The following SPNS2 variants were observed in gnomAD, a reference collection of about 807,000 sequenced individuals.
SPNS2 encodes sphingosine-1-phosphate transporter SPNS2.
SPNS2 carries 37 observed loss-of-function variants against 57.6 expected under a neutral mutation model. The ratio of observed to expected loss-of-function variants is 0.64; its 90% CI spans 0.49 to 0.85. The LOEUF (loss-of-function observed/expected upper bound fraction) is 0.85. Ranked by LOEUF, SPNS2 falls within the 40% of genes least tolerant of loss-of-function variation. SPNS2 has a pLI of 0.00. For synonymous variants in SPNS2, 440 were observed against 346.9 expected, an observed-to-expected ratio of 1.27 and a Z score of -2.98; for missense variants, 831 against 779.1, an observed-to-expected ratio of 1.07 and a Z score of -0.79.
chr17:4,525,178 C>T lies in SPNS2; in HGVS notation c.558C>T (p.Ser186=). Residue 186 remains serine, a synonymous_variant, in exon 3 of 13, where the codon TCC becomes TCT. Coordinates refer to ENST00000329078, the MANE Select transcript of SPNS2 (RefSeq NM_001124758.3). ...GGTCGGCCGTCACCTTCTCCAGCTC[C>T]TTCATTCCCCAGCAGGTGAGGCCCG... is the stretch of plus-strand genomic sequence containing the variant. ...FFWSAVTFSS[S]FIPQQYFWLL... The T allele has an allele frequency of 6.2e-7, 1 of 1,614,138 alleles. No homozygotes were observed. Among genetic ancestry groups the T allele is most frequent in the Non-Finnish European group, 8.5e-7 (1 of 1,180,024 alleles).
chr17:4,513,340 C>CA (rs767328640), intron 2 of SPNS2, 28 bp downstream of exon 2: 6 of 1,611,948 alleles, frequency 3.7e-6, no homozygotes, highest in African/African-American at 2.7e-5. Context: ...CCTTCCCCCC[C>CA]ACGCCCAGGC....
rs746923812 is a variant in SPNS2, at chr17:4,530,730, G to C, written c.672G>C (p.Lys224Asn). Residue 224 changes from lysine to asparagine, a missense_variant, in exon 4 of 13, where the codon AAG becomes AAC. Transcript: ENST00000329078. ...APTIIGDLFT[K>N]NTRTLMLSVF... Reference sequence around the variant, plus strand: ...CTATCATTGGCGACCTCTTCACCAAGAACACGCGTACGCTCATGCTGTCCG... The same window carrying C: ...CTATCATTGGCGACCTCTTCACCAACAACACGCGTACGCTCATGCTGTCCG... 2 of 1,614,046 alleles carry C rather than the reference G, an allele frequency of 1.2e-6. No individual in the cohort carries two copies. Among genetic ancestry groups the C allele is most frequent in the South Asian group, 2.2e-5 (2 of 91,074 alleles).
Position 4,533,216 on chromosome 17 carries a change from G to A in SPNS2, c.1089-27G>A, listed in dbSNP as rs187158003. 81 of 1,582,922 alleles carry A rather than the reference G, an allele frequency of 5.1e-5. No individual in the cohort carries two copies. In the East Asian group the frequency reaches 7.9e-4, roughly 15 times the overall value. ...CCTTAGCCCTGAGCCGCCTCAACTCGTGCGCCACCATCCTCTGTCCCCACA... is the reference window on the plus strand; with the variant it reads ...CCTTAGCCCTGAGCCGCCTCAACTCATGCGCCACCATCCTCTGTCCCCACA... On this transcript the variant is annotated intron_variant, in intron 7 of 12. Transcript: ENST00000329078.
chr17:4,532,191 CAT>C (rs1297165664), intron 5 of SPNS2, among the ~76,000 whole-genome samples: 2 of 152,044 alleles, frequency 1.3e-5, no homozygotes, highest in Non-Finnish European at 2.9e-5. Context: ...TCCATCCCTC[CAT>C]CTATCTCTGT....
rs1342443048 is a variant in SPNS2 at position 4,512,167 on chromosome 17, G to A, written c.371-1080G>A. Among the ~76,000 whole-genome samples, 2 of 152,198 alleles carry A rather than the reference G, an allele frequency of 1.3e-5. No individual in the cohort carries two copies. Among genetic ancestry groups the A allele is most frequent in the African/African-American group, 4.8e-5 (2 of 41,434 alleles). Reference sequence around the variant, plus strand: ...CAAAGGCTTCTGTCCCTGCCTGTAAGGCCCCCAAAGGCAGGGCCATCTCCT... The same window carrying A: ...CAAAGGCTTCTGTCCCTGCCTGTAAAGCCCCCAAAGGCAGGGCCATCTCCT... On this transcript the variant is annotated intron_variant, in intron 1 of 12. Coordinates refer to ENST00000329078, the MANE Select transcript of SPNS2 (RefSeq NM_001124758.3). The surrounding 1 kb of genome is among the most constrained non-coding windows in gnomAD (Gnocchi z 5.2).
At chr17:4,525,924 G>C (rs1905253591) in intron 3 of SPNS2, among the ~76,000 whole-genome samples, 2 of 152,232 alleles carry the variant, frequency 1.3e-5, no homozygotes, top group African/African-American at 4.8e-5. Context: ...GAGGTAGTGA[G>C]TTCCCCATCT....
At chr17:4,520,971 A>G (rs1467670748) in intron 2 of SPNS2, among the ~76,000 whole-genome samples, 17 of 152,168 alleles carry the variant, frequency 1.1e-4, no homozygotes, top group Admixed American at 1.0e-3. Flanking sequence ...CCATTATACA[A>G]TATTGCTGAT....
In SPNS2 at chr17:4,538,199, C is replaced by T; in HGVS notation, c.*751C>T. The T allele has an allele frequency of 4.1e-6, 1 of 241,114 alleles. No homozygotes were observed. The highest frequency in any genetic ancestry group is 5.6e-5 in the South Asian group (1 of 17,794). 14.9% of individuals were successfully genotyped at this position (241,114 alleles called of 1,614,324 possible). On this transcript the variant is annotated 3_prime_UTR_variant, in exon 13 of 13. Coordinates refer to ENST00000329078, the MANE Select transcript of SPNS2 (RefSeq NM_001124758.3). Reference sequence around the variant, plus strand: ...GTGCCCCCAGGCTCAAGGTCTCTGGCAGGTGCACACCAGCCCAACTCTGCA... The same window carrying T: ...GTGCCCCCAGGCTCAAGGTCTCTGGTAGGTGCACACCAGCCCAACTCTGCA...
At chr17:4,536,503 G>A (rs1412638782) in intron 11 of SPNS2, 77 bp downstream of exon 11, 34 of 1,487,772 alleles carry the variant, frequency 2.3e-5, no homozygotes, top group Non-Finnish European at 2.9e-5. Context: ...GCCCTGCCCT[G>A]GGGTGGGGCG....
chr17:4,530,323 C>T (rs1905407788), intron 3 of SPNS2, among the ~76,000 whole-genome samples: 1 of 152,164 alleles, frequency 6.6e-6, no homozygotes, highest in African/African-American at 2.4e-5. Flanking sequence ...GAGACATAGG[C>T]TTGTGTCCCC....
At chr17:4,532,732 G>A in intron 6 of SPNS2, 48 bp downstream of exon 6, 4 of 1,592,846 alleles carry the variant, frequency 2.5e-6, no homozygotes, top group Non-Finnish European at 3.4e-6. Flanking sequence ...GGGGTGCTGA[G>A]ATGAGAGGGC....
chr17:4,499,456 C>G lies in SPNS2; in HGVS notation c.370+39C>G. 3.3e-6 allele frequency: 4 copies of G among 1,220,488 alleles called. No homozygotes were observed. Among genetic ancestry groups the G allele is most frequent in the Non-Finnish European group, 4.2e-6 (4 of 949,932 alleles). 75.6% of individuals were successfully genotyped at this position (1,220,488 alleles called of 1,614,324 possible). On this transcript the variant is annotated intron_variant, in intron 1 of 12. Transcript: ENST00000329078. The surrounding 1 kb of genome is among the most constrained non-coding windows in gnomAD (Gnocchi z 5.2). ...CCACCCAGCCCGAGGACCAAGACCCCACCCCATCCCACCACCCGCCTCGAG... is the reference window on the plus strand; with the variant it reads ...CCACCCAGCCCGAGGACCAAGACCCGACCCCATCCCACCACCCGCCTCGAG...
intron 3 of SPNS2, among the ~76,000 whole-genome samples, chr17:4,526,942 C>A (rs1905276216): frequency 6.6e-6 from 1 of 152,220 alleles, no homozygotes; most frequent in Admixed American, 6.5e-5. Context: ...AGGACTGGAC[C>A]AGAGGCCTCT....
At chr17:4,519,202 C>T (rs369940736) in intron 2 of SPNS2, among the ~76,000 whole-genome samples, 11 of 152,208 alleles carry the variant, frequency 7.2e-5, no homozygotes, top group African/African-American at 1.9e-4. Flanking sequence ...CAGCCCAGGC[C>T]GAAGCAAGGG....
chr17:4,534,919 C>T (rs1359989984), intron 9 of SPNS2, among the ~76,000 whole-genome samples: 1 of 152,174 alleles, frequency 6.6e-6, no homozygotes, highest in Non-Finnish European at 1.5e-5. Context: ...GTCAGGGTCC[C>T]GGGGAAATCG....
In SPNS2 at chr17:4,536,071, C is replaced by T. The variant is rs75075518; in HGVS notation, c.1345-5C>T. On this transcript the variant is annotated splice_region_variant and splice_polypyrimidine_tract_variant and intron_variant, in intron 9 of 12. Coordinates refer to ENST00000329078, the MANE Select transcript of SPNS2 (RefSeq NM_001124758.3). ...TGGCCGCTGACCTGCCCGCCTGTTC[C>T]GCAGTACGTGGTCATCCCCACGCGG... is the stretch of plus-strand genomic sequence containing the variant. 53,374 of 1,609,624 alleles carry T rather than the reference C, an allele frequency of 0.033. 1,084 individuals are homozygous for T. The highest frequency in any genetic ancestry group is 0.053 in the Middle Eastern group (309 of 5,784).
chr17:4,529,334 C>T (rs190333620), intron 3 of SPNS2, among the ~76,000 whole-genome samples: 7 of 152,126 alleles, frequency 4.6e-5, no homozygotes, highest in Non-Finnish European at 1.0e-4. Context: ...CCTGCCTCAG[C>T]CTCCTAAAGT....
chr17:4,538,976 C>A lies in SPNS2; in HGVS notation c.*1528C>A, dbSNP rs767840414. The A allele has an allele frequency of 2.3e-5, 18 of 795,832 alleles. No homozygotes were observed. Among genetic ancestry groups the A allele is most frequent in the African/African-American group, 5.0e-5 (3 of 59,424 alleles). The allele number at this position is 795,832 out of a possible 1,614,324, so 49.3% of individuals were successfully genotyped here. On this transcript the variant is annotated 3_prime_UTR_variant, in exon 13 of 13. Transcript: ENST00000329078. ...AGCTGCTGATTGTGAATCTCAGAGT[C>A]TTAAGAGAGAAGCCAAATATATTCC...
At position 4,499,269 on chromosome 17, in the gene SPNS2, C is replaced by A; in HGVS notation, c.222C>A (p.Thr74=). 1 of 1,485,950 alleles carries A rather than the reference C, an allele frequency of 6.7e-7. No homozygotes were observed. The highest frequency in any genetic ancestry group is 8.9e-7 in the Non-Finnish European group (1 of 1,125,156). The allele number at this position is 1,485,950 out of a possible 1,614,324, so 92.0% of individuals were successfully genotyped here. A position where few individuals can be genotyped will look rare whatever the true frequency, so the allele number is the denominator to read the frequency against. Residue 74 remains threonine, a synonymous_variant, in exon 1 of 13, where the codon ACC becomes ACA. Transcript: ENST00000329078. This position sits in a 1 kb window ranked among gnomAD's most constrained non-coding sequence, Gnocchi z 5.2. ...VRRAPTGPPG[T]PGTPGCAATA... Reference sequence around the variant, plus strand: ...GGGCCCCGACCGGACCCCCCGGCACCCCCGGCACCCCCGGCTGCGCAGCTA... The same window carrying A: ...GGGCCCCGACCGGACCCCCCGGCACACCCGGCACCCCCGGCTGCGCAGCTA...
Sources: gnomAD v4.1 joint callset for allele counts (sites outside exome capture counted in the v4.1 genomes callset) on GRCh38, gnomAD v4.1.1 for gene constraint, Gnocchi (gnomAD v3.1) non-coding constraint, MANE v1.5 for transcripts, NCBI Gene and HGNC (gene_info 2026-07-23, HGNC 2026-07-21) for gene names.